INPP5A: variants seen among roughly 807,000 people sequenced by gnomAD.
INPP5A encodes the protein 43 kDa inositol polyphosphate 5-phophatase.
A neutral mutation model predicts 65.2 loss-of-function variants in INPP5A; 14 were observed. The ratio of observed to expected loss-of-function variants is 0.21; its 90% CI spans 0.14 to 0.34. The LOEUF is 0.34. Ranked by LOEUF, INPP5A falls within the 10% of genes least tolerant of loss-of-function variation. The pLI is 1.00. For synonymous variants in INPP5A, 207 were observed against 208.3 expected, an observed-to-expected ratio of 0.99 and a Z score of 0.05; for missense variants, 431 against 545.6, an observed-to-expected ratio of 0.79 and a Z score of 2.09.
intron 1 of INPP5A, among the ~76,000 whole-genome samples, chr10:132,604,724 C>T (rs552932834): frequency 4.6e-5 from 7 of 152,322 alleles, no homozygotes; most frequent in Non-Finnish European, 7.3e-5. Context: ...GATGGAAAAA[C>T]GCTGGGATTA....
intron 2 of INPP5A, among the ~76,000 whole-genome samples, chr10:132,611,602 G>C (rs2133347061): frequency 7.6e-6 from 1 of 131,866 alleles, no homozygotes. Flanking sequence ...TGAGGGAGGT[G>C]AGGTAGGCAG....
At chr10:132,653,456 C>T (rs960724498) in intron 4 of INPP5A, among the ~76,000 whole-genome samples, 1 of 152,090 alleles carries the variant, frequency 6.6e-6, no homozygotes, top group Non-Finnish European at 1.5e-5. Flanking sequence ...GGGCACAGGC[C>T]GTGCCAGGCC....
Position 132,708,671 on chromosome 10 carries a change from G to A in INPP5A, c.527+306G>A, listed in dbSNP as rs536024338. Among the ~76,000 whole-genome samples the A allele has an allele frequency of 2.8e-4, 43 of 152,368 alleles. 1 individual carries two copies. In the South Asian group the frequency reaches 8.1e-3, roughly 29 times the overall value. On this transcript the variant is annotated intron_variant, in intron 7 of 15. Transcript: ENST00000368594. ...CAGAGCCCGCTGCACAGAGAAGTCAGCAGGGAGGCCCCCTAGTACTGGGGC... is the reference window on the plus strand; with the variant it reads ...CAGAGCCCGCTGCACAGAGAAGTCAACAGGGAGGCCCCCTAGTACTGGGGC...
intron 11 of INPP5A, among the ~76,000 whole-genome samples, chr10:132,750,389 A>G (rs1477050765): frequency 6.6e-6 from 1 of 152,168 alleles, no homozygotes; most frequent in Non-Finnish European, 1.5e-5. Context: ...GTGCGTGTCA[A>G]TGGGAATGTG....
At chr10:132,574,641 TTTTATTTTA>T (rs2133290052) in intron 1 of INPP5A, among the ~76,000 whole-genome samples, 1 of 138,078 alleles carries the variant, frequency 7.2e-6, no homozygotes, top group South Asian at 2.3e-4. Context: ...TTTTATTTTA[TTTTATTTTA>T]TTTTATTTTA....
chr10:132,727,817 G>A lies in INPP5A; in HGVS notation c.732+912G>A, dbSNP rs1486260882. ...ACACGGTAAGTCGGATGGGGACACG[G>A]TGAGTCAGATGGGGACATGGTGAGT... On this transcript the variant is annotated intron_variant, in intron 9 of 15. Transcript: ENST00000368594. This position sits in a 1 kb window ranked among gnomAD's most constrained non-coding sequence, Gnocchi z 6.5. Among the ~76,000 whole-genome samples the A allele has an allele frequency of 6.6e-6, 1 of 152,132 alleles. No homozygotes were observed. Among genetic ancestry groups the A allele is most frequent in the Non-Finnish European group, 1.5e-5 (1 of 68,022 alleles).
intron 12 of INPP5A, among the ~76,000 whole-genome samples, chr10:132,767,110 C>T (rs1234890505): frequency 1.0e-5 from 1 of 98,100 alleles, no homozygotes; most frequent in South Asian, 4.3e-4. Flanking sequence ...GATGCGGCCT[C>T]GGAGCTTGGG....
chr10:132,735,472 G>A (rs993927669), intron 9 of INPP5A, among the ~76,000 whole-genome samples: 4 of 152,240 alleles, frequency 2.6e-5, no homozygotes, highest in Non-Finnish European at 5.9e-5. Context: ...GGTGGCACGG[G>A]CGCCCTGGGG....
intron 12 of INPP5A, among the ~76,000 whole-genome samples, chr10:132,774,136 G>C (rs4880425): frequency 6.6e-6 from 1 of 151,956 alleles, no homozygotes; most frequent in Non-Finnish European, 1.5e-5. Flanking sequence ...AGCTGTAATC[G>C]TTTAGTTCTT....
chr10:132,578,136 A>T (rs1338992743), intron 1 of INPP5A, among the ~76,000 whole-genome samples: 1 of 152,210 alleles, frequency 6.6e-6, no homozygotes, highest in East Asian at 1.9e-4. Flanking sequence ...CACCATTGGG[A>T]GATTATTATG....
intron 1 of INPP5A, among the ~76,000 whole-genome samples, chr10:132,606,757 C>T (rs570657004): frequency 2.6e-5 from 4 of 152,278 alleles, no homozygotes; most frequent in East Asian, 1.9e-4. Context: ...CCCATGCCCA[C>T]GGCCACGGAG....
At chr10:132,622,952 G>A (rs529717443) in intron 2 of INPP5A, among the ~76,000 whole-genome samples, 6 of 141,510 alleles carry the variant, frequency 4.2e-5, no homozygotes, top group Admixed American at 2.1e-4. Flanking sequence ...GAAATATACC[G>A]TCCGTGTTCG....
In INPP5A at chr10:132,678,191, G is replaced by GC. The variant is rs1167860613; in HGVS notation, c.307-12195dup. On this transcript the variant is annotated intron_variant, in intron 4 of 15. Coordinates refer to ENST00000368594, the MANE Select transcript of INPP5A (RefSeq NM_005539.5). The surrounding 1 kb of genome is among the most constrained non-coding windows in gnomAD (Gnocchi z 4.1). ...GCTCCTCTGAGAGCGGACGGTCACAGCCCCCCGTATGCTGCCTGGGGGTGG... is the reference window on the plus strand; with the variant it reads ...GCTCCTCTGAGAGCGGACGGTCACAGCCCCCCCGTATGCTGCCTGGGGGTGG... 6.6e-6 allele frequency among the ~76,000 whole-genome samples: 1 copy of GC among 152,190 alleles called. No homozygotes were observed. The highest frequency in any genetic ancestry group is 1.5e-5 in the Non-Finnish European group (1 of 68,034).
intron 1 of INPP5A, among the ~76,000 whole-genome samples, chr10:132,590,046 G>A (rs1205260651): frequency 2.0e-5 from 3 of 152,260 alleles, no homozygotes; most frequent in Admixed American, 1.3e-4. Context: ...TTGTCAACAC[G>A]GCTGGAAAAG....
chr10:132,548,903 C>T (rs752127870), intron 1 of INPP5A, among the ~76,000 whole-genome samples: 3 of 146,636 alleles, frequency 2.0e-5, no homozygotes, highest in Non-Finnish European at 4.5e-5. Flanking sequence ...CTCAAGCATT[C>T]TTCCTGCTTC....
intron 11 of INPP5A, among the ~76,000 whole-genome samples, chr10:132,760,360 C>T (rs997657023): frequency 3.3e-5 from 5 of 152,242 alleles, no homozygotes; most frequent in East Asian, 1.9e-4. Context: ...CGCACGCCTG[C>T]GAGGGGCGAT....
chr10:132,690,512 C>T (rs1845241483), intron 5 of INPP5A, 57 bp downstream of exon 5: 4 of 1,312,966 alleles, frequency 3.0e-6, no homozygotes, highest in Non-Finnish European at 4.4e-6. Context: ...CTCCTGGTGT[C>T]TGGCTTCCCC....
intron 1 of INPP5A, among the ~76,000 whole-genome samples, chr10:132,548,580 G>A (rs188374145): frequency 2.7e-4 from 41 of 152,212 alleles, no homozygotes; most frequent in Non-Finnish European, 7.4e-5. Flanking sequence ...AACCATCACC[G>A]CACCCCAGTT....
chr10:132,669,209 T>C (rs769555042), intron 4 of INPP5A, among the ~76,000 whole-genome samples: 1 of 152,124 alleles, frequency 6.6e-6, no homozygotes, highest in East Asian at 1.9e-4. Flanking sequence ...GCAGACATCG[T>C]GCCACCGCAC....
Sources: allele counts gnomAD v4.1 joint callset (sites outside exome capture counted in the v4.1 genomes callset), GRCh38; gene constraint gnomAD v4.1.1; non-coding constraint Gnocchi (gnomAD v3.1); transcripts MANE v1.5; gene names NCBI Gene and HGNC (gene_info 2026-07-23, HGNC 2026-07-21).